The following LBH variants were observed in gnomAD, a reference collection of about 807,000 sequenced individuals.
LBH encodes the protein LBH regulator of Wnt signaling pathway, also known as protein LBH.
In LBH, 7 loss-of-function variants were observed where a neutral mutation model predicts 12.5. That is an observed-to-expected ratio of 0.56 (90% CI 0.32 to 1.05). The LOEUF (loss-of-function observed/expected upper bound fraction) is 1.05. LBH is among the 50% of genes least tolerant of loss of function. The pLI, the probability that LBH is intolerant of heterozygous loss-of-function variation, is 0.04. For missense variants in LBH, 119 were observed against 138.9 expected (o/e 0.86, Z 0.72); for synonymous variants, 51 against 50.1 (o/e 1.02, Z -0.08).
intron 2 of LBH, among the ~76,000 whole-genome samples, chr2:30,247,891 C>T (rs1363393096): frequency 1.3e-5 from 2 of 152,202 alleles, no homozygotes; most frequent in African/African-American, 4.8e-5. Flanking sequence ...GCCAAGGTGC[C>T]AGCAGTTTCT....
At chr2:30,232,247 G>GCC in intron 1 of LBH, 6 of 394,936 alleles carry the variant, frequency 1.5e-5, no homozygotes, top group East Asian at 8.9e-5. Flanking sequence ...GGGGTGGGGG[G>GCC]CGGGAAACGC....
chr2:30,231,591 T>G lies in LBH; in HGVS notation c.-148T>G. On this transcript the variant is annotated 5_prime_UTR_variant, in exon 1 of 3. Coordinates refer to ENST00000395323, the MANE Select transcript of LBH (RefSeq NM_030915.4). The stretch of plus-strand genomic sequence containing the variant: ...TCCACCTTGCCGACGTCGCTAGCCG[T>G]GGGGCTGTCCTGGGAAGGCGGACGG... 2.8e-6 allele frequency: 2 copies of G among 715,568 alleles called. No individual in the cohort carries two copies. Among genetic ancestry groups the G allele is most frequent in the Non-Finnish European group, 4.9e-6 (2 of 405,638 alleles). The allele number at this position is 715,568 out of a possible 1,614,324, so 44.3% of individuals were successfully genotyped here. A position where few individuals can be genotyped will look rare whatever the true frequency, so the allele number is the denominator to read the frequency against.
At chr2:30,257,327 G>T in intron 2 of LBH, 106 bp from the exon 3 acceptor site, 1 of 1,251,270 alleles carries the variant, frequency 8.0e-7, no homozygotes, top group South Asian at 1.3e-5. Context: ...CACAGTCCCT[G>T]GCCTATGGCA....
chr2:30,257,498 G>T lies in LBH; in HGVS notation c.195G>T (p.Val65=), dbSNP rs778414676. The change falls in exon 3 of 3, where the codon GTG becomes GTT. Residue 65 remains valine, a synonymous_variant. Coordinates refer to ENST00000395323, the MANE Select transcript of LBH (RefSeq NM_030915.4). ...CKLKDRLPSI[V]VEPTEGEVES... ...TGAAGGACCGTCTGCCCTCCATAGT[G>T]GTGGAACCCACAGAAGGGGAGGTGG... is the stretch of plus-strand genomic sequence containing the variant. 7.4e-6 allele frequency: 12 copies of T among 1,614,242 alleles called. No homozygotes were observed. Among genetic ancestry groups the T allele is most frequent in the Admixed American group, 5.0e-5 (3 of 60,032 alleles).
chr2:30,231,752 TC>T lies in LBH; in HGVS notation c.18del (p.Ile7PhefsTer7). 1 of 1,582,152 alleles carries T rather than the reference TC, an allele frequency of 6.3e-7. No homozygotes were observed. Among genetic ancestry groups the T allele is most frequent in the Non-Finnish European group, 8.6e-7 (1 of 1,165,446 alleles). ...CCCTAGGACTTCATGTCTATATATTTCCCCATTCACTGGTGAGTACCCTGCG... is the reference window on the plus strand; with the variant it reads ...CCCTAGGACTTCATGTCTATATATTTCCCATTCACTGGTGAGTACCCTGCG... MSIYFPIHCPDYLRS... is the reference protein window; with the variant it reads MSIYXPIHCPDYLRS... On this transcript the variant is annotated frameshift_variant, in exon 1 of 3. Coordinates refer to ENST00000395323, the MANE Select transcript of LBH (RefSeq NM_030915.4). LOFTEE classifies it high-confidence loss of function.
intron 2 of LBH, among the ~76,000 whole-genome samples, chr2:30,239,176 G>C (rs900279307): frequency 6.6e-6 from 1 of 152,132 alleles, no homozygotes; most frequent in African/African-American, 2.4e-5. Flanking sequence ...GAAGTTAGGC[G>C]GTAGCTCGGA....
chr2:30,248,518 G>A (rs1024205692), intron 2 of LBH, among the ~76,000 whole-genome samples: 1 of 152,154 alleles, frequency 6.6e-6, no homozygotes, highest in African/African-American at 2.4e-5. Flanking sequence ...GTTAGAAATG[G>A]CAGCTGAGAG....
intron 2 of LBH, among the ~76,000 whole-genome samples, chr2:30,242,058 CG>C (rs1558387272): frequency 6.6e-6 from 1 of 151,788 alleles, no homozygotes; most frequent in African/African-American, 2.4e-5. Flanking sequence ...TTTTAGGTTA[CG>C]TATATTTTCT....
intron 2 of LBH, among the ~76,000 whole-genome samples, chr2:30,241,319 GT>G (rs1478345454): frequency 6.6e-6 from 1 of 152,024 alleles, no homozygotes; most frequent in Non-Finnish European, 1.5e-5. Context: ...ATTATAGGAA[GT>G]TTTTCCTTCC....
intron 1 of LBH, chr2:30,232,310 G>T (rs1301972177): frequency 1.4e-6 from 2 of 1,415,466 alleles, no homozygotes; most frequent in Non-Finnish European, 1.9e-6. Context: ...ACGCGCTGCA[G>T]CCTCTCAACC....
At chr2:30,242,010 T>G (rs930783268) in intron 2 of LBH, among the ~76,000 whole-genome samples, 4 of 152,194 alleles carry the variant, frequency 2.6e-5, no homozygotes, top group Non-Finnish European at 4.4e-5. Context: ...TATTATATCA[T>G]AAAGTTAAAA....
chr2:30,242,432 C>T lies in LBH; in HGVS notation c.129+7925C>T, dbSNP rs183555984. Among the ~76,000 whole-genome samples, 87 of 152,072 alleles carry T rather than the reference C, an allele frequency of 5.7e-4. 1 individual carries two copies. In the East Asian group the frequency reaches 0.015, roughly 26 times the overall value. ...CTGGTTTTTGTATTTTTAGTAGAGA[C>T]GGGGTTTTGCCTTGTTGGCCAGGCT... On this transcript the variant is annotated intron_variant, in intron 2 of 2. Coordinates refer to ENST00000395323, the MANE Select transcript of LBH (RefSeq NM_030915.4).
intron 2 of LBH, among the ~76,000 whole-genome samples, chr2:30,240,157 A>G (rs1677765881): frequency 6.6e-6 from 1 of 152,164 alleles, no homozygotes; most frequent in East Asian, 1.9e-4. Flanking sequence ...TGTCCTACAA[A>G]TAGTTGCTTA....
At chr2:30,232,137 C>G in intron 1 of LBH, 5 of 1,546,338 alleles carry the variant, frequency 3.2e-6, no homozygotes, top group Non-Finnish European at 4.4e-6. Flanking sequence ...TCTTCCCGGG[C>G]CCCTCCTCTT....
intron 2 of LBH, among the ~76,000 whole-genome samples, chr2:30,256,181 G>A (rs1678081189): frequency 6.6e-6 from 1 of 152,210 alleles, no homozygotes; most frequent in African/African-American, 2.4e-5. Flanking sequence ...TGTATGCAAA[G>A]GGAATCCGCA....
At chr2:30,257,192 T>C (rs1434502429) in intron 2 of LBH, among the ~76,000 whole-genome samples, 1 of 152,216 alleles carries the variant, frequency 6.6e-6, no homozygotes, top group Non-Finnish European at 1.5e-5. Flanking sequence ...TCAGCGGCAC[T>C]GCCCCCAAAC....
intron 2 of LBH, among the ~76,000 whole-genome samples, chr2:30,238,360 C>T (rs1047923372): frequency 3.3e-5 from 5 of 152,230 alleles, no homozygotes; most frequent in Non-Finnish European, 7.3e-5. Context: ...AGCACCTGGA[C>T]CAAGGTCTGA....
intron 2 of LBH, among the ~76,000 whole-genome samples, chr2:30,255,838 C>A (rs1274798275): frequency 1.3e-5 from 2 of 152,208 alleles, no homozygotes; most frequent in East Asian, 3.8e-4. Context: ...CAGGCAGGAC[C>A]AGGCAGCCCC....
chr2:30,240,525 C>T (rs758896636), intron 2 of LBH, among the ~76,000 whole-genome samples: 7 of 152,166 alleles, frequency 4.6e-5, no homozygotes, highest in Non-Finnish European at 8.8e-5. Context: ...TCTGTGCTGC[C>T]TCTGACTGCC....
Sources: gnomAD v4.1 joint callset for allele counts (sites outside exome capture counted in the v4.1 genomes callset) on GRCh38, gnomAD v4.1.1 for gene constraint, MANE v1.5 for transcripts, NCBI Gene and HGNC (gene_info 2026-07-23, HGNC 2026-07-21) for gene names.